USP6NL: variants seen among roughly 807,000 people sequenced by gnomAD.
The protein encoded by USP6NL is USP6 N-terminal-like protein.
USP6NL carries 26 observed loss-of-function variants against 61.9 expected under a neutral mutation model. The observed-to-expected ratio is 0.42, with a 90% CI of 0.31 to 0.58. USP6NL has a LOEUF of 0.58. Among genes scored for constraint, USP6NL ranks in the 20% least tolerant of loss-of-function variants. The probability of loss-of-function intolerance (pLI) is 0.16; values close to 1 mark genes in which losing one functional copy is unlikely to be tolerated. For synonymous variants in USP6NL, 432 were observed against 390.1 expected, an observed-to-expected ratio of 1.11 and a Z score of -1.27; for missense variants, 1,114 against 1,034.3, an observed-to-expected ratio of 1.08 and a Z score of -1.06.
Position 11,553,756 on chromosome 10 carries a change from C to T in USP6NL, c.5-26189G>A, listed in dbSNP as rs1807590834. On this transcript the variant is annotated intron_variant, in intron 2 of 14. Coordinates refer to ENST00000609104, the MANE Select transcript of USP6NL (RefSeq NM_014688.5). This position sits in a 1 kb window ranked among gnomAD's most constrained non-coding sequence, Gnocchi z 4.8. ...ACTAAAAATACAAAAATTAGCAAGG[C>T]ATGGTGGTGGGCGCCTGTAATCCCA... Among the ~76,000 whole-genome samples the T allele has an allele frequency of 6.6e-6, 1 of 151,952 alleles. No homozygotes were observed. The highest frequency in any genetic ancestry group is 2.4e-5 in the African/African-American group (1 of 41,332).
chr10:11,509,952 ATTTAAACAAAAT>A (rs1302545829), intron 5 of USP6NL, among the ~76,000 whole-genome samples: 1 of 152,230 alleles, frequency 6.6e-6, no homozygotes, highest in Non-Finnish European at 1.5e-5. Context: ...TATTCTACAA[ATTTAAACAAAAT>A]TTTAAAAAAT....
chr10:11,534,384 G>A (rs996122903), intron 2 of USP6NL, among the ~76,000 whole-genome samples: 5 of 152,162 alleles, frequency 3.3e-5, no homozygotes, highest in African/African-American at 1.2e-4. Context: ...AAGAAAGAGA[G>A]GCAAAAACAG....
chr10:11,497,240 T>C (rs140042607), intron 7 of USP6NL, among the ~76,000 whole-genome samples: 1 of 151,016 alleles, frequency 6.6e-6, no homozygotes, highest in East Asian at 1.9e-4. Flanking sequence ...AAACCCCGTC[T>C]CTACTAAAAA....
chr10:11,583,596 A>G (rs1415350284), intron 2 of USP6NL, among the ~76,000 whole-genome samples: 1 of 152,228 alleles, frequency 6.6e-6, no homozygotes, highest in Admixed American at 6.5e-5. Context: ...ATGGAAGAAA[A>G]GAGATTTAGT....
At chr10:11,558,781 C>T (rs1465259571) in intron 2 of USP6NL, among the ~76,000 whole-genome samples, 1 of 152,148 alleles carries the variant, frequency 6.6e-6, no homozygotes, top group Non-Finnish European at 1.5e-5. Flanking sequence ...CAAACAGATC[C>T]ATCCCTCGTT....
rs1836922139 is a variant in USP6NL, at chr10:11,561,313, T to C, written c.5-33746A>G. ...CTCTTCCTCTACACCCCTTCCCAAA[T>C]GAACCCTCTAATGTTAACTTTTTTG... On this transcript the variant is annotated intron_variant, in intron 2 of 14. Transcript: ENST00000609104. The surrounding 1 kb of genome is among the most constrained non-coding windows in gnomAD (Gnocchi z 4.1). Among the ~76,000 whole-genome samples the C allele has an allele frequency of 6.6e-6, 1 of 152,202 alleles. No homozygotes were observed. The highest frequency in any genetic ancestry group is 1.5e-5 in the Non-Finnish European group (1 of 68,028).
intron 1 of USP6NL, among the ~76,000 whole-genome samples, chr10:11,609,962 C>A (rs1838834881): frequency 6.6e-6 from 1 of 152,178 alleles, no homozygotes. Context: ...AAGAGTCTGG[C>A]TGCATAGCTA....
chr10:11,562,510 G>A lies in USP6NL; in HGVS notation c.5-34943C>T, dbSNP rs975946043. On this transcript the variant is annotated intron_variant, in intron 2 of 14. Transcript: ENST00000609104. The surrounding 1 kb of genome is among the most constrained non-coding windows in gnomAD (Gnocchi z 4.8). ...GCTGAGGAGAAACGTGAAAAGAGCC[G>A]GGTCACTCAAGACATTGCTTGGCCA... The A allele has an allele frequency of 3.3e-5, 33 of 985,344 alleles. No individual in the cohort carries two copies. Among genetic ancestry groups the A allele is most frequent in the African/African-American group, 1.2e-4 (7 of 57,312 alleles). 61.0% of individuals were successfully genotyped at this position (985,344 alleles called of 1,614,324 possible). A position where few individuals can be genotyped will look rare whatever the true frequency, so the allele number is the denominator to read the frequency against.
intron 13 of USP6NL, among the ~76,000 whole-genome samples, chr10:11,484,037 C>A (rs1833354682): frequency 6.6e-6 from 1 of 152,102 alleles, no homozygotes; most frequent in Non-Finnish European, 1.5e-5. Flanking sequence ...CCAAGCACAG[C>A]AGAGAGAAAA....
chr10:11,530,771 T>C (rs1424473956), intron 2 of USP6NL, among the ~76,000 whole-genome samples: 2 of 152,238 alleles, frequency 1.3e-5, no homozygotes, highest in African/African-American at 2.4e-5. Context: ...GACATTATTT[T>C]AAAATCTGCA....
In USP6NL at chr10:11,596,505, T is replaced by TC. The variant is rs1280705810; in HGVS notation, c.4+1125dup. ...TGGGCCTGGTGGCGGGCGCCTGTAG[T>TC]CCCAGCTACTCGGGAGGCTGAGGCA... On this transcript the variant is annotated intron_variant, in intron 2 of 14. Transcript: ENST00000609104. This position sits in a 1 kb window ranked among gnomAD's most constrained non-coding sequence, Gnocchi z 4.1. Among the ~76,000 whole-genome samples the TC allele has an allele frequency of 6.6e-6, 1 of 151,712 alleles. No individual in the cohort carries two copies. The highest frequency in any genetic ancestry group is 1.9e-4 in the East Asian group (1 of 5,164).
intron 1 of USP6NL, among the ~76,000 whole-genome samples, chr10:11,607,785 T>A (rs921556625): frequency 1.3e-5 from 2 of 152,216 alleles, no homozygotes; most frequent in East Asian, 3.8e-4. Flanking sequence ...AAAAATAATA[T>A]TCTTTCATTT....
chr10:11,579,188 T>G (rs1837656781), intron 2 of USP6NL, among the ~76,000 whole-genome samples: 1 of 152,238 alleles, frequency 6.6e-6, no homozygotes, highest in Admixed American at 6.5e-5. Flanking sequence ...ATGTGCTAAG[T>G]GGCAAAGTAG....
chr10:11,556,056 G>A (rs1836696529), intron 2 of USP6NL, among the ~76,000 whole-genome samples: 1 of 152,172 alleles, frequency 6.6e-6, no homozygotes, highest in Non-Finnish European at 1.5e-5. Context: ...CATGAAGGAA[G>A]AAATACAGAG....
intron 14 of USP6NL, among the ~76,000 whole-genome samples, chr10:11,479,362 A>G (rs1010268482): frequency 6.6e-6 from 1 of 152,178 alleles, no homozygotes; most frequent in Non-Finnish European, 1.5e-5. Context: ...GGGTGCCCCA[A>G]AGATATCTAA....
intron 6 of USP6NL, among the ~76,000 whole-genome samples, 194 bp downstream of exon 6, chr10:11,509,401 C>T (rs532898257): frequency 6.6e-6 from 1 of 152,156 alleles, no homozygotes. Context: ...ACTTAAATGT[C>T]GAAACCAATC....
rs1376692942 is a variant in USP6NL, at chr10:11,520,883, T to C, written c.156-2309A>G. On this transcript the variant is annotated intron_variant, in intron 4 of 14. Transcript: ENST00000609104. The surrounding 1 kb of genome is among the most constrained non-coding windows in gnomAD (Gnocchi z 5.2). ...TTTAGAGAAAATGTTTGCCAAACCC[T>C]GCTTTAGAGAACAAGGGCTTAAGAG... 2.0e-5 allele frequency among the ~76,000 whole-genome samples: 3 copies of C among 152,220 alleles called. No homozygotes were observed. Among genetic ancestry groups the C allele is most frequent in the African/African-American group, 7.2e-5 (3 of 41,460 alleles).
intron 10 of USP6NL, among the ~76,000 whole-genome samples, chr10:11,486,115 A>G (rs545883683): frequency 2.0e-5 from 3 of 151,854 alleles, no homozygotes; most frequent in African/African-American, 7.2e-5. Context: ...TGTTTGCTAA[A>G]GATCTTCTAT....
chr10:11,534,862 A>T (rs1306124531), intron 2 of USP6NL, among the ~76,000 whole-genome samples: 1 of 152,224 alleles, frequency 6.6e-6, no homozygotes, highest in Non-Finnish European at 1.5e-5. Flanking sequence ...AATATAGACA[A>T]TGTCTAAAAC....
Sources: allele counts gnomAD v4.1 joint callset (sites outside exome capture counted in the v4.1 genomes callset), GRCh38; gene constraint gnomAD v4.1.1; non-coding constraint Gnocchi (gnomAD v3.1); transcripts MANE v1.5; gene names NCBI Gene and HGNC (gene_info 2026-07-23, HGNC 2026-07-21).